Variants in IL1RAPL1 observed in about 807,000 individuals in gnomAD.
IL1RAPL1 encodes the protein interleukin-1 receptor accessory protein-like 1.
Under a neutral mutation model 48.4 loss-of-function variants are expected in IL1RAPL1, and 3 were observed. That is an observed-to-expected ratio of 0.06 (90% confidence interval 0.03 to 0.16). The LOEUF (loss-of-function observed/expected upper bound fraction) is 0.16, where lower values mean the gene tolerates loss of function less well. Among genes scored for constraint, IL1RAPL1 ranks in the 10% least tolerant of loss-of-function variants. The pLI is 1.00. For missense variants in IL1RAPL1, 349 were observed against 530.6 expected (o/e 0.66, Z 3.36); for synonymous variants, 185 against 187.7 (o/e 0.99, Z 0.12).
chrX:29,104,533 A>G (rs1043276066), intron 2 of IL1RAPL1, among the ~76,000 whole-genome samples: 1 of 111,326 alleles, frequency 9.0e-6, no homozygotes, highest in Non-Finnish European at 1.9e-5. Context: ...TAGTTAAATC[A>G]AATGAATAAG....
intron 2 of IL1RAPL1, among the ~76,000 whole-genome samples, chrX:28,915,337 T>G (rs970917742): frequency 3.6e-5 from 4 of 111,393 alleles, no homozygotes; most frequent in African/African-American, 1.3e-4. Flanking sequence ...TCTGATATTT[T>G]ACCATGTTTT....
At chrX:28,840,363 T>G (rs762700652) in intron 2 of IL1RAPL1, among the ~76,000 whole-genome samples, 36 of 110,403 alleles carry the variant, frequency 3.3e-4, no homozygotes, top group Non-Finnish European at 5.7e-4. Flanking sequence ...ACTAAAACTT[T>G]AAAAGGATTT....
chrX:29,738,883 C>G, intron 6 of IL1RAPL1, among the ~76,000 whole-genome samples: 1 of 112,439 alleles, frequency 8.9e-6, no homozygotes, highest in South Asian at 3.7e-4. Context: ...TAGGAATGCA[C>G]TAAAGATCCC....
chrX:29,841,094 G>A (rs1931127228), intron 6 of IL1RAPL1, among the ~76,000 whole-genome samples: 1 of 111,834 alleles, frequency 8.9e-6, no homozygotes, highest in Non-Finnish European at 1.9e-5. Flanking sequence ...GGTAACTCCA[G>A]TCATGGTCTC....
intron 6 of IL1RAPL1, among the ~76,000 whole-genome samples, chrX:29,910,393 AAAT>A (rs1304885358): frequency 2.7e-5 from 3 of 111,490 alleles, no homozygotes; most frequent in African/African-American, 6.5e-5. Context: ...TTAAAAAAAA[AAAT>A]AATGCTTGTA....
chrX:29,236,422 C>T lies in IL1RAPL1; in HGVS notation c.83-46516C>T, dbSNP rs781132129. On this transcript the variant is annotated intron_variant, in intron 2 of 10. Coordinates refer to ENST00000378993, the MANE Select transcript of IL1RAPL1 (RefSeq NM_014271.4). Reference sequence around the variant, plus strand: ...GTTGACTGGCTATACTTTGTGCTAGCCATCACTGACTTCCACCTAAAAAGA... The same window carrying T: ...GTTGACTGGCTATACTTTGTGCTAGTCATCACTGACTTCCACCTAAAAAGA... Among the ~76,000 whole-genome samples, 3 of 110,604 alleles carry T rather than the reference C, an allele frequency of 2.7e-5. No individual in the cohort carries two copies. The Admixed American group carries it at 2.9e-4, about 11-fold the overall frequency.
chrX:29,379,093 G>C (rs1300451875), intron 3 of IL1RAPL1, among the ~76,000 whole-genome samples: 1 of 112,313 alleles, frequency 8.9e-6, no homozygotes, highest in African/African-American at 3.2e-5. Context: ...CACAGCCTTG[G>C]GGCACCAGGA....
intron 5 of IL1RAPL1, among the ~76,000 whole-genome samples, chrX:29,441,215 T>C (rs765390801): frequency 1.8e-5 from 2 of 111,409 alleles, no homozygotes; most frequent in Admixed American, 9.6e-5. Flanking sequence ...TCCCCTCCTT[T>C]ATGTTGTGTC....
At chrX:29,752,834 C>T (rs1336673416) in intron 6 of IL1RAPL1, among the ~76,000 whole-genome samples, 1 of 111,718 alleles carries the variant, frequency 9.0e-6, no homozygotes, top group Non-Finnish European at 1.9e-5. Context: ...ATTCTTTTAT[C>T]CTATGTAAGT....
chrX:29,713,567 C>A (rs1395821236), intron 6 of IL1RAPL1, among the ~76,000 whole-genome samples: 1 of 111,490 alleles, frequency 9.0e-6, no homozygotes, highest in East Asian at 2.8e-4. Context: ...CACTCCAGAC[C>A]TACTGAATCA....
intron 2 of IL1RAPL1, among the ~76,000 whole-genome samples, chrX:29,212,453 C>T (rs1245797686): frequency 1.8e-5 from 2 of 111,238 alleles, no homozygotes; most frequent in Non-Finnish European, 3.8e-5. Context: ...GAATTACAGG[C>T]GCCCACCACC....
In IL1RAPL1 at chrX:29,177,345, A is replaced by AT. The variant is rs377666939; in HGVS notation, c.83-105587dup. On this transcript the variant is annotated intron_variant, in intron 2 of 10. Transcript: ENST00000378993. The stretch of plus-strand genomic sequence containing the variant: ...TTCACAATTATACTCTTAATGAACT[A>AT]TTTTTTCTCACTGTAGTTACACTGA... Among the ~76,000 whole-genome samples the AT allele has an allele frequency of 6.2e-3, 689 of 111,529 alleles. 6 individuals are homozygous for AT. The highest frequency in any genetic ancestry group is 0.021 in the African/African-American group (642 of 30,698).
chrX:28,937,382 A>G (rs1255307596), intron 2 of IL1RAPL1, among the ~76,000 whole-genome samples: 4 of 111,060 alleles, frequency 3.6e-5, no homozygotes, highest in African/African-American at 9.8e-5. Flanking sequence ...TACTTGATTA[A>G]GGTAACTCCA....
chrX:29,592,946 TG>T (rs767693127), intron 5 of IL1RAPL1, among the ~76,000 whole-genome samples: 1 of 112,340 alleles, frequency 8.9e-6, no homozygotes, highest in East Asian at 2.8e-4. Context: ...AACCATCCCA[TG>T]CTGATGCCAC....
intron 6 of IL1RAPL1, among the ~76,000 whole-genome samples, chrX:29,696,238 A>G (rs754543925): frequency 8.9e-6 from 1 of 111,818 alleles, no homozygotes; most frequent in Admixed American, 9.5e-5. Flanking sequence ...TATCCCCTGT[A>G]GGGCAAAAGT....
At chrX:29,944,175 G>A (rs189427679) in intron 9 of IL1RAPL1, among the ~76,000 whole-genome samples, 77 of 111,741 alleles carry the variant, frequency 6.9e-4, no homozygotes, top group African/African-American at 2.3e-3. Flanking sequence ...ATATGTTAAT[G>A]TACAAGTTAT....
At chrX:29,400,476 T>C (rs1276728772) in intron 5 of IL1RAPL1, among the ~76,000 whole-genome samples, 1 of 112,166 alleles carries the variant, frequency 8.9e-6, no homozygotes, top group African/African-American at 3.2e-5. Flanking sequence ...GTGGGGATAA[T>C]AAGAACAACA....
intron 6 of IL1RAPL1, among the ~76,000 whole-genome samples, chrX:29,726,887 T>A (rs1448322233): frequency 9.0e-6 from 1 of 111,169 alleles, no homozygotes; most frequent in Non-Finnish European, 1.9e-5. Context: ...AACAAGAAAT[T>A]CAGAAGTGGT....
At chrX:29,714,431 T>G (rs1033211980) in intron 6 of IL1RAPL1, among the ~76,000 whole-genome samples, 7 of 112,108 alleles carry the variant, frequency 6.2e-5, no homozygotes, top group African/African-American at 2.3e-4. Flanking sequence ...TGTAGCAGCT[T>G]ATTGCTTTGA....
Sources: gnomAD v4.1 joint callset for allele counts (sites outside exome capture counted in the v4.1 genomes callset) on GRCh38, gnomAD v4.1.1 for gene constraint, MANE v1.5 for transcripts, NCBI Gene and HGNC (gene_info 2026-07-23, HGNC 2026-07-21) for gene names.